MYH6: variants seen among roughly 807,000 people sequenced by gnomAD.
MYH6 encodes myosin heavy chain 6, also known as myosin-6.
Under a neutral mutation model 223.2 loss-of-function variants are expected in MYH6, and 126 were observed. The observed-to-expected ratio is 0.56, with a 90% CI of 0.49 to 0.65. MYH6 has a LOEUF of 0.65. MYH6 is among the 30% of genes least tolerant of loss of function. The pLI is 0.00. For missense variants in MYH6, 2,040 were observed against 2,536.4 expected (o/e 0.80, Z 4.20); for synonymous variants, 978 against 1,010.2 (o/e 0.97, Z 0.61).
intron 12 of MYH6, 94 bp downstream of exon 12, chr14:23,402,370 C>G: frequency 1.9e-6 from 3 of 1,577,136 alleles, no homozygotes; most frequent in Non-Finnish European, 2.6e-6. Context: ...CACCCCACTG[C>G]CCCACAAGCC....
At chr14:23,402,885 G>T in intron 10 of MYH6, 85 bp from the exon 11 acceptor site, 1 of 852,610 alleles carries the variant, frequency 1.2e-6, no homozygotes, top group Non-Finnish European at 1.9e-6. Context: ...AGGGAGGGAG[G>T]GGCAGGGAGG....
In MYH6 at chr14:23,407,874, A is replaced by T. The variant is rs1379551714; in HGVS notation, c.-46-266T>A. ...AGGGAGGTGAGAACACGTGCCAAGA[A>T]GGAAGGACAAGGGAGAGAGACAAAG... is the stretch of plus-strand genomic sequence containing the variant. On this transcript the variant is annotated intron_variant, in intron 1 of 38. Coordinates refer to ENST00000405093, the MANE Select transcript of MYH6 (RefSeq NM_002471.4). The surrounding 1 kb of genome is among the most constrained non-coding windows in gnomAD (Gnocchi z 5.6). 6.6e-6 allele frequency among the ~76,000 whole-genome samples: 1 copy of T among 152,170 alleles called. No homozygotes were observed. Among genetic ancestry groups the T allele is most frequent in the Non-Finnish European group, 1.5e-5 (1 of 68,020 alleles).
chr14:23,382,634 G>A, intron 37 of MYH6, 72 bp from the exon 38 acceptor site: 2 of 1,612,030 alleles, frequency 1.2e-6, no homozygotes, highest in Non-Finnish European at 1.7e-6. Context: ...CTCAACCTGA[G>A]GTTCCAGCTC....
chr14:23,390,344 T>G lies in MYH6; in HGVS notation c.3445A>C (p.Ser1149Arg). Reference protein sequence around the residue: ...SDLSRELEEISERLEEAGGAT... With the variant: ...SDLSRELEEIRERLEEAGGAT... ...CCGCCGGCCTCTTCCAGCCGCTCGCTGATCTCCTCCAGCTCCCGAGACAGG... is the reference window on the plus strand; with the variant it reads ...CCGCCGGCCTCTTCCAGCCGCTCGCGGATCTCCTCCAGCTCCCGAGACAGG... Residue 1149 changes from serine (S) to arginine (R), a missense_variant, in exon 26 of 39, where the codon AGC becomes CGC. Around this residue, in one of 4 missense-constraint regions of MYH6, gnomAD observed 1,203 missense variants for 1,400.2 expected, o/e 0.86. Transcript: ENST00000405093. 1 of 1,608,936 alleles carries G rather than the reference T, an allele frequency of 6.2e-7. No individual in the cohort carries two copies. The highest frequency in any genetic ancestry group is 8.5e-7 in the Non-Finnish European group (1 of 1,179,446).
chr14:23,388,923 C>A lies in MYH6; in HGVS notation c.4111G>T (p.Ala1371Ser). 1 of 1,613,804 alleles carries A rather than the reference C, an allele frequency of 6.2e-7. No individual in the cohort carries two copies. The change falls in exon 29 of 39, where the codon GCC becomes TCC. Residue 1371 changes from alanine (A) to serine (S), a missense_variant. Physicochemically the swap from Ala to Ser is moderately conservative, Grantham distance 99. Transcript: ENST00000405093. Reference sequence around the variant, plus strand: ...GTCTCATACTTGGTCCTCCACTGGGCCACCTCCGAGTTGGCCTTGGACAGG... The same window carrying A: ...GTCTCATACTTGGTCCTCCACTGGGACACCTCCGAGTTGGCCTTGGACAGG... ...RVLSKANSEV[A>S]QWRTKYETDA...
Position 23,386,016 on chromosome 14 carries a change from G to T in MYH6, c.5075C>A (p.Ala1692Asp). The T allele has an allele frequency of 6.2e-7, 1 of 1,614,156 alleles. No homozygotes were observed. The highest frequency in any genetic ancestry group is 8.5e-7 in the Non-Finnish European group (1 of 1,180,026). Residue 1692 changes from alanine to aspartate, a missense_variant, in exon 34 of 39, where the codon GCC (alanine) becomes GAC (aspartate). By Grantham distance (126) the Ala-to-Asp change is moderately radical. Transcript: ENST00000405093. ...LLQAELEELR[A>D]VVEQTERSRK... ...GGACCGCTCTGTCTGCTCCACCACG[G>T]CACGCAGCTCCTCCAGCTCAGCCTG...
chr14:23,385,512 C>T (rs1260918411), intron 34 of MYH6, among the ~76,000 whole-genome samples: 3 of 151,036 alleles, frequency 2.0e-5, no homozygotes, highest in African/African-American at 7.3e-5. Context: ...CACAAAGTCT[C>T]ATTGCAGAGT....
In MYH6 at chr14:23,384,672, C is replaced by T. The variant is rs777220078; in HGVS notation, c.5335G>A (p.Ala1779Thr). 5.0e-6 allele frequency: 8 copies of T among 1,614,258 alleles called. No individual in the cohort carries two copies. The highest frequency in any genetic ancestry group is 3.3e-5 in the Admixed American group (2 of 60,032). The change falls in exon 36 of 39, where the codon GCC becomes ACC. Residue 1779 changes from alanine (A) to threonine (T), a missense_variant. By Grantham distance (58) the Ala-to-Thr change is moderately conservative. Around this residue, in one of 4 missense-constraint regions of MYH6, gnomAD observed 1,203 missense variants for 1,400.2 expected, o/e 0.86. Transcript: ENST00000405093. ...TTCTTCTTCATGCGCTCCAGGTGGG[C>T]GCTGGTGTCCTGCTCCTTCTTCAGC... ...EELKKEQDTSAHLERMKKNME... is the reference protein window; with the variant it reads ...EELKKEQDTSTHLERMKKNME...
At chr14:23,383,341 G>GGGGCCCCCCCC in intron 36 of MYH6, 21 bp from the exon 37 acceptor site, 1 of 556,582 alleles carries the variant, frequency 1.8e-6, no homozygotes, top group Non-Finnish European at 3.3e-6. Flanking sequence ...GAGGGTGGGA[G>GGGGCCCCCCCC]AAGCTGGTTT....
chr14:23,394,142 G>A lies in MYH6; in HGVS notation c.2611C>T (p.Arg871Cys), dbSNP rs376682837. ...ATCTTCTCCTCCAGCTCCTTGCGGC[G>A]AGCCTCGGACTTCTCCAGCGTCTCT... ...IKETLEKSEA[R>C]RKELEEKMVS... The change falls in exon 21 of 39, where the codon CGC becomes TGC. Residue 871 changes from arginine (R) to cysteine (C), a missense_variant. Physicochemically the swap from Arg to Cys is radical, Grantham distance 180 (BLOSUM62 -3). Coordinates refer to ENST00000405093, the MANE Select transcript of MYH6 (RefSeq NM_002471.4). 172 of 1,614,204 alleles carry A rather than the reference G, an allele frequency of 1.1e-4. 1 individual carries two copies. The highest frequency in any genetic ancestry group is 1.9e-4 in the South Asian group (17 of 91,080).
In MYH6 at chr14:23,390,325, G is replaced by C; in HGVS notation, c.3464C>G (p.Ala1155Gly). Residue 1155 changes from alanine (A) to glycine (G), a missense_variant, in exon 26 of 39, where the codon GCC becomes GGC. By Grantham distance (60) the Ala-to-Gly change is moderately conservative. Coordinates refer to ENST00000405093, the MANE Select transcript of MYH6 (RefSeq NM_002471.4). ...GATCTGCACGGACGTGGCCCCGCCG[G>C]CCTCTTCCAGCCGCTCGCTGATCTC... The part of the protein sequence containing the change: ...LEEISERLEE[A>G]GGATSVQIEM... 6.2e-7 allele frequency: 1 copy of C among 1,607,222 alleles called. No individual in the cohort carries two copies. The highest frequency in any genetic ancestry group is 8.5e-7 in the Non-Finnish European group (1 of 1,178,998).
At position 23,405,903 on chromosome 14, in the gene MYH6, C is replaced by T. The variant is rs1026338381; in HGVS notation, c.202-133G>A. On this transcript the variant is annotated intron_variant, in intron 3 of 38. Transcript: ENST00000405093. This position sits in a 1 kb window ranked among gnomAD's most constrained non-coding sequence, Gnocchi z 4.7. ...CCCTTGCTCTGACCAGTGCCCCGGCCCCTACCCCGATGTCCCCTGGGACAC... is the reference window on the plus strand; with the variant it reads ...CCCTTGCTCTGACCAGTGCCCCGGCTCCTACCCCGATGTCCCCTGGGACAC... 5.4e-6 allele frequency: 6 copies of T among 1,110,068 alleles called. No homozygotes were observed. Among genetic ancestry groups the T allele is most frequent in the African/African-American group, 4.6e-5 (3 of 65,252 alleles). The allele number at this position is 1,110,068 out of a possible 1,614,324, so 68.8% of individuals were successfully genotyped here.
chr14:23,398,417 T>C (rs1218692263), intron 15 of MYH6, among the ~76,000 whole-genome samples: 5 of 152,208 alleles, frequency 3.3e-5, no homozygotes, highest in Non-Finnish European at 7.3e-5. Context: ...TCTCAACATT[T>C]GTTGAGAACT....
intron 12 of MYH6, 45 bp from the exon 13 acceptor site, chr14:23,401,022 T>A: frequency 6.3e-7 from 1 of 1,598,838 alleles, no homozygotes; most frequent in Non-Finnish European, 8.5e-7. Flanking sequence ...TTTTTTTTTT[T>A]TTAAGATAGA....
rs1595062936 is a variant in MYH6, at chr14:23,402,818, T to G, written c.899-18A>C. On this transcript the variant is annotated intron_variant, in intron 10 of 38. Coordinates refer to ENST00000405093, the MANE Select transcript of MYH6 (RefSeq NM_002471.4). ...CAGCATGTCTGCACCAGGCAAGGGGTGAGGCAGGGGCAAGGGGGCAGGCGG... is the reference window on the plus strand; with the variant it reads ...CAGCATGTCTGCACCAGGCAAGGGGGGAGGCAGGGGCAAGGGGGCAGGCGG... 6.6e-7 allele frequency: 1 copy of G among 1,521,026 alleles called. No homozygotes were observed. Among genetic ancestry groups the G allele is most frequent in the African/African-American group, 1.7e-5 (1 of 59,764 alleles). The allele number at this position is 1,521,026 out of a possible 1,614,324, so 94.2% of individuals were successfully genotyped here. A position where few individuals can be genotyped will look rare whatever the true frequency, so the allele number is the denominator to read the frequency against.
Position 23,400,442 on chromosome 14 carries a change from G to C in MYH6, c.1411-16C>G, listed in dbSNP as rs770815336. The C allele has an allele frequency of 3.1e-6, 5 of 1,613,946 alleles. No homozygotes were observed. Among genetic ancestry groups the C allele is most frequent in the Non-Finnish European group, 2.5e-6 (3 of 1,179,934 alleles). The stretch of plus-strand genomic sequence containing the variant: ...AGCTGTTGAACTGCAGGGGGCATGA[G>C]GGGTGGGAGCAGTCAGAAAGTGGGT... On this transcript the variant is annotated splice_polypyrimidine_tract_variant and intron_variant, in intron 13 of 38. Coordinates refer to ENST00000405093, the MANE Select transcript of MYH6 (RefSeq NM_002471.4).
chr14:23,397,946 C>CTTCTTCTTCTTCTTCTTT (rs1891461435), intron 15 of MYH6, among the ~76,000 whole-genome samples: 33 of 67,444 alleles, frequency 4.9e-4, no homozygotes, highest in East Asian at 7.3e-4. Context: ...TCTTCTTCTT[C>CTTCTTCTTCTTCTTCTTT]TTCTTCTTCT....
chr14:23,385,908 G>A lies in MYH6; in HGVS notation c.5163+20C>T. The A allele has an allele frequency of 1.9e-6, 3 of 1,614,116 alleles. No homozygotes were observed. Among genetic ancestry groups the A allele is most frequent in the East Asian group, 2.2e-5 (1 of 44,878 alleles). ...TCTGCACTCAGTAGGTTTCCACAAG[G>A]TGGCTCCTGACCCCCTCACCTGGGA... On this transcript the variant is annotated intron_variant, in intron 34 of 38. Transcript: ENST00000405093.
intron 15 of MYH6, among the ~76,000 whole-genome samples, chr14:23,397,943 CTTCTTCTTCT>C (rs1566512364): frequency 1.7e-5 from 1 of 57,996 alleles, no homozygotes; most frequent in African/African-American, 8.0e-5. Context: ...TCTTCTTCTT[CTTCTTCTTCT>C]TCTTCTTCTT....
Sources: allele counts gnomAD v4.1 joint callset (sites outside exome capture counted in the v4.1 genomes callset), GRCh38; gene constraint gnomAD v4.1.1; regional missense constraint gnomAD v4.1.1; non-coding constraint Gnocchi (gnomAD v3.1); transcripts MANE v1.5; gene names NCBI Gene and HGNC (gene_info 2026-07-23, HGNC 2026-07-21).